RNF13: variants seen among roughly 807,000 people sequenced by gnomAD.
RNF13 encodes ring finger protein 13, also known as E3 ubiquitin-protein ligase RNF13.
A neutral mutation model predicts 37.7 loss-of-function variants in RNF13; 19 were observed. The observed-to-expected ratio is 0.50, with a 90% confidence interval of 0.35 to 0.74. The LOEUF is 0.74. Among genes scored for constraint, RNF13 ranks in the 30% least tolerant of loss-of-function variants. The pLI is 0.01. For missense variants in RNF13, 375 were observed against 453.0 expected (o/e 0.83, Z 1.56); for synonymous variants, 144 against 157.8 (o/e 0.91, Z 0.65).
At chr3:149,850,805 G>A (rs1723055661) in intron 2 of RNF13, among the ~76,000 whole-genome samples, 1 of 152,142 alleles carries the variant, frequency 6.6e-6, no homozygotes, top group South Asian at 2.1e-4. Flanking sequence ...CTGATCATAG[G>A]TGAATTAAAT....
intron 4 of RNF13, among the ~76,000 whole-genome samples, chr3:149,882,614 A>G (rs1713559110): frequency 6.6e-6 from 1 of 152,206 alleles, no homozygotes; most frequent in Non-Finnish European, 1.5e-5. Flanking sequence ...TAATTTTTAA[A>G]GTAATACTCT....
At chr3:149,935,339 G>A (rs918236201) in intron 8 of RNF13, among the ~76,000 whole-genome samples, 1 of 151,966 alleles carries the variant, frequency 6.6e-6, no homozygotes, top group Non-Finnish European at 1.5e-5. Context: ...ATCACTCTAT[G>A]TCTTTTAATT....
At chr3:149,886,091 G>A (rs1365433517) in intron 4 of RNF13, among the ~76,000 whole-genome samples, 3 of 152,124 alleles carry the variant, frequency 2.0e-5, no homozygotes, top group Non-Finnish European at 2.9e-5. Context: ...ATTGTTCTGT[G>A]TATCTTTTTA....
intron 1 of RNF13, among the ~76,000 whole-genome samples, chr3:149,837,090 T>G (rs1051346962): frequency 1.2e-4 from 18 of 152,208 alleles, no homozygotes; most frequent in Non-Finnish European, 1.9e-4. Flanking sequence ...GTGAATATAG[T>G]TAATGTTACT....
In RNF13 at chr3:149,865,849, G is replaced by A. The variant is rs558705006; in HGVS notation, c.196-6180G>A. Among the ~76,000 whole-genome samples, 19 of 152,230 alleles carry A rather than the reference G, an allele frequency of 1.2e-4. No homozygotes were observed. The South Asian group carries it at 3.7e-3, about 30-fold the overall frequency. On this transcript the variant is annotated intron_variant, in intron 3 of 9. Transcript: ENST00000392894. ...AGGGGTCCCGATCTAGACCCCAAGA[G>A]AGAGTTCTTGGATCTCGTGCAAGAA...
intron 3 of RNF13, among the ~76,000 whole-genome samples, chr3:149,857,298 T>A (rs766136233): frequency 1.1e-4 from 17 of 152,244 alleles, no homozygotes; most frequent in Admixed American, 7.2e-4. Flanking sequence ...TAAAAAATAC[T>A]ATTATTCAAG....
At chr3:149,845,408 A>G (rs1422795412) in intron 1 of RNF13, among the ~76,000 whole-genome samples, 1 of 152,182 alleles carries the variant, frequency 6.6e-6, no homozygotes, top group African/African-American at 2.4e-5. Context: ...CATAGTGAAC[A>G]GGATGAAGTT....
intron 6 of RNF13, among the ~76,000 whole-genome samples, chr3:149,911,238 G>A (rs1206232341): frequency 1.3e-5 from 2 of 152,190 alleles, no homozygotes; most frequent in South Asian, 4.1e-4. Context: ...TGACGCTAGA[G>A]TTTTTCCATA....
chr3:149,887,497 C>G (rs1714184713), intron 4 of RNF13, among the ~76,000 whole-genome samples: 1 of 152,122 alleles, frequency 6.6e-6, no homozygotes, highest in African/African-American at 2.4e-5. Flanking sequence ...GATGGGGTCT[C>G]TTTACATTGC....
chr3:149,956,235 A>G (rs1021770672), intron 8 of RNF13, among the ~76,000 whole-genome samples: 1 of 152,198 alleles, frequency 6.6e-6, no homozygotes, highest in African/African-American at 2.4e-5. Flanking sequence ...TACATGGGGC[A>G]GGACTAGATG....
intron 7 of RNF13, among the ~76,000 whole-genome samples, chr3:149,913,140 A>G (rs1185826289): frequency 1.3e-5 from 2 of 152,114 alleles, no homozygotes; most frequent in South Asian, 2.1e-4. Flanking sequence ...CAGTCTTCCT[A>G]TGATGCTATG....
At chr3:149,876,593 G>A (rs552010720) in intron 4 of RNF13, among the ~76,000 whole-genome samples, 1 of 152,010 alleles carries the variant, frequency 6.6e-6, no homozygotes, top group South Asian at 2.1e-4. Flanking sequence ...GAATTTACAA[G>A]TCCCCATATG....
intron 4 of RNF13, among the ~76,000 whole-genome samples, chr3:149,889,657 T>C (rs1714480584): frequency 6.7e-6 from 1 of 148,694 alleles, no homozygotes; most frequent in Admixed American, 6.7e-5. Flanking sequence ...CTGACAATTT[T>C]TTTTTTTTTT....
At chr3:149,928,004 C>CTTTTT (rs766839142) in intron 8 of RNF13, among the ~76,000 whole-genome samples, 11 of 111,218 alleles carry the variant, frequency 9.9e-5, no homozygotes, top group South Asian at 6.0e-4. Context: ...AAGCAAAAAC[C>CTTTTT]TTTTTTTTTT....
intron 1 of RNF13, among the ~76,000 whole-genome samples, chr3:149,822,261 T>A: frequency 6.6e-6 from 1 of 152,166 alleles, no homozygotes; most frequent in East Asian, 1.9e-4. Context: ...TAATGTTAAG[T>A]CTTTGAGTAC....
At chr3:149,899,369 A>G (rs1318556360) in intron 5 of RNF13, among the ~76,000 whole-genome samples, 1 of 152,210 alleles carries the variant, frequency 6.6e-6, no homozygotes, top group Non-Finnish European at 1.5e-5. Context: ...GAATCACTTG[A>G]ACCTGGGAGG....
At chr3:149,837,146 T>G (rs1721704298) in intron 1 of RNF13, among the ~76,000 whole-genome samples, 1 of 152,208 alleles carries the variant, frequency 6.6e-6, no homozygotes. Flanking sequence ...TTTATGTCTG[T>G]ATGCCACATT....
intron 3 of RNF13, among the ~76,000 whole-genome samples, chr3:149,866,418 G>C (rs144653983): frequency 1.3e-5 from 2 of 152,338 alleles, no homozygotes; most frequent in South Asian, 2.1e-4. Context: ...GCTGGTGGGA[G>C]TGTAGCAGTG....
intron 1 of RNF13, among the ~76,000 whole-genome samples, chr3:149,835,633 T>G (rs1258403837): frequency 5.0e-5 from 7 of 138,746 alleles, no homozygotes; most frequent in Non-Finnish European, 9.6e-5. Flanking sequence ...TAGTATTCCA[T>G]TGTGTGTGTG....
Sources: allele counts gnomAD v4.1 joint callset (sites outside exome capture counted in the v4.1 genomes callset), GRCh38; gene constraint gnomAD v4.1.1; transcripts MANE v1.5; gene names NCBI Gene and HGNC (gene_info 2026-07-23, HGNC 2026-07-21).